Variants in SP140L observed in about 807,000 individuals in gnomAD.
SP140L encodes nuclear body protein SP140-like protein.
A neutral mutation model predicts 84.3 loss-of-function variants in SP140L; 64 were observed. The observed-to-expected ratio is 0.76, with a 90% CI of 0.62 to 0.94. The LOEUF (loss-of-function observed/expected upper bound fraction) is 0.94, where lower values mean the gene tolerates loss of function less well. SP140L is among the 40% of genes least tolerant of loss of function. SP140L has a pLI of 0.00. For synonymous variants in SP140L, 242 were observed against 236.9 expected (o/e 1.02, Z -0.20); for missense variants, 628 against 692.5 (o/e 0.91, Z 1.05).
intron 2 of SP140L, 39 bp from the exon 3 acceptor site, chr2:230,357,766 T>C: frequency 5.1e-6 from 8 of 1,581,044 alleles, no homozygotes; most frequent in Non-Finnish European, 6.9e-6. Flanking sequence ...CATCTCAGAA[T>C]CTTGATGACC....
intron 2 of SP140L, among the ~76,000 whole-genome samples, chr2:230,351,776 A>C (rs1456748471): frequency 2.0e-5 from 3 of 152,048 alleles, no homozygotes; most frequent in South Asian, 4.2e-4. Context: ...CCACTCAAGT[A>C]GTTAGATCTA....
At chr2:230,383,464 A>G in intron 7 of SP140L, 46 bp from the exon 8 acceptor site, 1 of 1,527,808 alleles carries the variant, frequency 6.5e-7, no homozygotes, top group Non-Finnish European at 8.8e-7. Context: ...TCAAATAATT[A>G]TATTTATTCC....
chr2:230,380,955 GT>G (rs59111287), intron 7 of SP140L, among the ~76,000 whole-genome samples: 34,923 of 151,938 alleles, frequency 0.23, 4,255 homozygotes, highest in Non-Finnish European at 0.28. Context: ...AAGTCTTCCT[GT>G]TTTTTCATAT....
At chr2:230,376,487 G>A (rs759722218) in intron 7 of SP140L, among the ~76,000 whole-genome samples, 6 of 152,032 alleles carry the variant, frequency 3.9e-5, no homozygotes, top group Non-Finnish European at 7.4e-5. Flanking sequence ...ATTTACAATA[G>A]CAACAAAAAG....
At chr2:230,349,388 A>C (rs2060299548) in intron 2 of SP140L, among the ~76,000 whole-genome samples, 1 of 152,150 alleles carries the variant, frequency 6.6e-6, no homozygotes, top group African/African-American at 2.4e-5. Context: ...TTAGCTTCTC[A>C]ATTTCTTCAG....
chr2:230,335,814 C>T (rs779235681), intron 2 of SP140L, among the ~76,000 whole-genome samples: 2 of 152,104 alleles, frequency 1.3e-5, no homozygotes, highest in Admixed American at 6.6e-5. Flanking sequence ...TGTTTCTTCC[C>T]TATAAAATGA....
chr2:230,367,847 G>A (rs151184459), intron 5 of SP140L, among the ~76,000 whole-genome samples: 65 of 152,282 alleles, frequency 4.3e-4, no homozygotes, highest in East Asian at 1.7e-3. Flanking sequence ...CAGGAGAATC[G>A]CTTGAACCAG....
At chr2:230,330,984 C>A (rs546178287) in intron 2 of SP140L, among the ~76,000 whole-genome samples, 7 of 152,110 alleles carry the variant, frequency 4.6e-5, no homozygotes, top group Non-Finnish European at 8.8e-5. Flanking sequence ...GTAATCAGAT[C>A]GGCTGTCATG....
At chr2:230,335,489 A>C (rs977060844) in intron 2 of SP140L, among the ~76,000 whole-genome samples, 2 of 152,202 alleles carry the variant, frequency 1.3e-5, no homozygotes, top group African/African-American at 4.8e-5. Context: ...TTCTCAGTGG[A>C]ACGAGTTGGG....
rs184922720 is a variant in SP140L, at chr2:230,396,385, G to A, written c.1156-372G>A. On this transcript the variant is annotated intron_variant, in intron 13 of 18. Coordinates refer to ENST00000415673, the MANE Select transcript of SP140L (RefSeq NM_138402.6). ...GAGCAAAGAGCAATTCATGAATTGG[G>A]CAGCACTCAGAACAAGAAGAGGTTC... Among the ~76,000 whole-genome samples, 88 of 152,324 alleles carry A rather than the reference G, an allele frequency of 5.8e-4. 1 individual carries two copies. The East Asian group carries it at 0.01, about 17-fold the overall frequency.
At chr2:230,392,903 G>C (rs1409734976) in intron 12 of SP140L, among the ~76,000 whole-genome samples, 2 of 152,110 alleles carry the variant, frequency 1.3e-5, no homozygotes, top group African/African-American at 4.8e-5. Context: ...CTATAGCCAT[G>C]GGTCCTCCCT....
At chr2:230,355,682 C>A (rs2060521461) in intron 2 of SP140L, among the ~76,000 whole-genome samples, 1 of 152,122 alleles carries the variant, frequency 6.6e-6, no homozygotes, top group Admixed American at 6.6e-5. Context: ...ACAAACAGAT[C>A]AATGGTATGG....
intron 2 of SP140L, among the ~76,000 whole-genome samples, chr2:230,347,940 C>G (rs1285358945): frequency 2.6e-5 from 4 of 152,226 alleles, no homozygotes; most frequent in Non-Finnish European, 5.9e-5. Context: ...GCACTGGCCA[C>G]TGTGAACCCT....
chr2:230,391,851 C>T, intron 11 of SP140L: 1 of 454,952 alleles, frequency 2.2e-6, no homozygotes, highest in Non-Finnish European at 3.9e-6. Flanking sequence ...TTGCTGATAA[C>T]CATCACTCTC....
chr2:230,339,346 C>T (rs922603650), intron 2 of SP140L, among the ~76,000 whole-genome samples: 15 of 151,592 alleles, frequency 9.9e-5, no homozygotes, highest in African/African-American at 3.4e-4. Context: ...GGTGACATCC[C>T]CTTTATCATT....
intron 9 of SP140L, among the ~76,000 whole-genome samples, chr2:230,385,887 C>A (rs914452833): frequency 6.6e-6 from 1 of 152,200 alleles, no homozygotes; most frequent in Non-Finnish European, 1.5e-5. Context: ...GCCCTACCCC[C>A]ACTCCATAGC....
At chr2:230,356,075 A>G (rs1317758598) in intron 2 of SP140L, among the ~76,000 whole-genome samples, 2 of 152,230 alleles carry the variant, frequency 1.3e-5, no homozygotes, top group Admixed American at 1.3e-4. Flanking sequence ...CATGCTTGAC[A>G]TAATTTCCTG....
intron 2 of SP140L, among the ~76,000 whole-genome samples, chr2:230,356,199 TA>T (rs1181158575): frequency 2.0e-5 from 3 of 152,174 alleles, no homozygotes; most frequent in Admixed American, 6.5e-5. Context: ...TGGCAGGTTT[TA>T]AAATGGTTAA....
chr2:230,337,280 C>T (rs1276676279), intron 2 of SP140L, among the ~76,000 whole-genome samples: 1 of 152,146 alleles, frequency 6.6e-6, no homozygotes, highest in Non-Finnish European at 1.5e-5. Flanking sequence ...CTTTTGGCTG[C>T]ATAAATGTCT....
Sources: allele counts gnomAD v4.1 joint callset (sites outside exome capture counted in the v4.1 genomes callset), GRCh38; gene constraint gnomAD v4.1.1; transcripts MANE v1.5; gene names NCBI Gene and HGNC (gene_info 2026-07-23, HGNC 2026-07-21).